Variants in FAM13A observed in about 807,000 individuals in gnomAD.
The protein encoded by FAM13A is family with sequence similarity 13 member A.
FAM13A carries 76 observed loss-of-function variants against 129.6 expected under a neutral mutation model. The observed-to-expected ratio is 0.59, with a 90% CI of 0.49 to 0.71. The LOEUF (loss-of-function observed/expected upper bound fraction) is 0.71, where lower values mean the gene tolerates loss of function less well. Among genes scored for constraint, FAM13A ranks in the 30% least tolerant of loss-of-function variants. The pLI is 0.00. For synonymous variants in FAM13A, 443 were observed against 449.9 expected (o/e 0.98, Z 0.20); for missense variants, 1,108 against 1,249.3 (o/e 0.89, Z 1.70).
intron 14 of FAM13A, among the ~76,000 whole-genome samples, chr4:88,756,239 T>TTAGG (rs1445465732): frequency 3.9e-5 from 6 of 152,378 alleles, no homozygotes; most frequent in African/African-American, 1.4e-4. Context: ...GTATGCTTAG[T>TTAGG]ATTTGCCAAT....
At chr4:89,011,811 G>A (rs1302027856) in intron 3 of FAM13A, among the ~76,000 whole-genome samples, 1 of 152,068 alleles carries the variant, frequency 6.6e-6, no homozygotes, top group East Asian at 1.9e-4. Flanking sequence ...CCATAATCCA[G>A]GCTGGTTTTC....
chr4:88,906,942 G>A (rs1748269687), intron 5 of FAM13A, among the ~76,000 whole-genome samples: 1 of 152,158 alleles, frequency 6.6e-6, no homozygotes, highest in African/African-American at 2.4e-5. Context: ...TGATAGTTTT[G>A]TATTAACACC....
intron 13 of FAM13A, among the ~76,000 whole-genome samples, chr4:88,761,563 G>A (rs982756576): frequency 1.1e-4 from 16 of 152,110 alleles, no homozygotes; most frequent in African/African-American, 2.4e-4. Flanking sequence ...CAGAAGGAAG[G>A]AGGAATAACA....
At chr4:88,803,283 T>G (rs914656512) in intron 8 of FAM13A, among the ~76,000 whole-genome samples, 1 of 152,216 alleles carries the variant, frequency 6.6e-6, no homozygotes, top group Non-Finnish European at 1.5e-5. Context: ...TTTTCTACCA[T>G]AAACGTGGGC....
intron 7 of FAM13A, 123 bp downstream of exon 7, chr4:88,850,897 T>C (rs936699987): frequency 3.6e-5 from 28 of 781,322 alleles, no homozygotes; most frequent in Non-Finnish European, 5.3e-5. Flanking sequence ...TTTAAGTATC[T>C]TTACTGATCT....
intron 15 of FAM13A, 68 bp downstream of exon 15, chr4:88,750,356 G>C: frequency 7.7e-7 from 1 of 1,291,352 alleles, no homozygotes. Context: ...TTCACTATCA[G>C]TGCCATTCCT....
chr4:88,849,674 C>T (rs976545943), intron 7 of FAM13A, among the ~76,000 whole-genome samples: 2 of 152,118 alleles, frequency 1.3e-5, no homozygotes, highest in Non-Finnish European at 2.9e-5. Flanking sequence ...CTATTGCTTT[C>T]CTTATTAGAA....
chr4:88,950,650 T>C (rs1756802054), intron 4 of FAM13A, among the ~76,000 whole-genome samples: 1 of 152,204 alleles, frequency 6.6e-6, no homozygotes, highest in East Asian at 1.9e-4. Flanking sequence ...AGTGACAGTG[T>C]TAGCATCTTG....
chr4:88,768,267 C>T (rs1746088602), intron 11 of FAM13A: 2 of 403,534 alleles, frequency 5.0e-6, no homozygotes, highest in Non-Finnish European at 8.9e-6. Flanking sequence ...TTCTAACATC[C>T]TTTTAACAAA....
intron 9 of FAM13A, 29 bp from the exon 10 acceptor site, chr4:88,787,961 A>T: frequency 6.3e-7 from 1 of 1,594,498 alleles, no homozygotes; most frequent in Non-Finnish European, 8.6e-7. Context: ...GAGTCATTCA[A>T]GCAGTCAAGT....
At chr4:89,000,174 T>G (rs891009310) in intron 3 of FAM13A, among the ~76,000 whole-genome samples, 1 of 152,106 alleles carries the variant, frequency 6.6e-6, no homozygotes, top group African/African-American at 2.4e-5. Context: ...AGTTACAATA[T>G]AACATAGCAA....
chr4:89,018,610 C>T (rs561923558), intron 3 of FAM13A, among the ~76,000 whole-genome samples: 8 of 152,332 alleles, frequency 5.3e-5, no homozygotes, highest in South Asian at 2.1e-4. Flanking sequence ...CCAGGTCTGG[C>T]GGCCTTGGGC....
chr4:89,021,212 A>C (rs538021242), intron 2 of FAM13A, among the ~76,000 whole-genome samples: 3 of 152,288 alleles, frequency 2.0e-5, no homozygotes, highest in East Asian at 3.9e-4. Context: ...TTGATGGGGG[A>C]TATCAGTGTC....
chr4:88,898,450 AATAG>A (rs1220688651), intron 6 of FAM13A, among the ~76,000 whole-genome samples: 5 of 152,316 alleles, frequency 3.3e-5, no homozygotes, highest in African/African-American at 4.8e-5. Flanking sequence ...GGGAAACCAT[AATAG>A]ATAGTTGAAA....
intron 3 of FAM13A, among the ~76,000 whole-genome samples, chr4:89,019,761 C>CAAAAAAAAAA (rs61682568): frequency 5.2e-5 from 3 of 57,818 alleles, no homozygotes; most frequent in Admixed American, 1.9e-4. Flanking sequence ...AACTACATCT[C>CAAAAAAAAAA]AAAAAAAAAA....
chr4:88,742,113 A>G (rs1314231401), intron 19 of FAM13A, among the ~76,000 whole-genome samples: 1 of 152,226 alleles, frequency 6.6e-6, no homozygotes, highest in Non-Finnish European at 1.5e-5. Flanking sequence ...AAGTAGAAAT[A>G]GGAACCAGCC....
chr4:88,765,185 C>A (rs1220342216), intron 13 of FAM13A, among the ~76,000 whole-genome samples: 1 of 152,150 alleles, frequency 6.6e-6, no homozygotes, highest in African/African-American at 2.4e-5. Context: ...GTTCCTCATT[C>A]TAACGGGAAT....
chr4:88,873,935 T>G (rs992299458), intron 6 of FAM13A, among the ~76,000 whole-genome samples: 2 of 152,118 alleles, frequency 1.3e-5, no homozygotes, highest in Non-Finnish European at 1.5e-5. Flanking sequence ...AAAAAGCTTA[T>G]CCACCAAGAT....
At chr4:88,879,830 T>A (rs1293002498) in intron 6 of FAM13A, among the ~76,000 whole-genome samples, 1 of 152,056 alleles carries the variant, frequency 6.6e-6, no homozygotes. Flanking sequence ...TAATCTAAAT[T>A]GGGCAGGCAG....
Sources: allele counts gnomAD v4.1 joint callset (sites outside exome capture counted in the v4.1 genomes callset), GRCh38; gene constraint gnomAD v4.1.1; transcripts MANE v1.5; gene names NCBI Gene and HGNC (gene_info 2026-07-23, HGNC 2026-07-21).